The following DLGAP1 variants were observed in gnomAD, a reference collection of about 807,000 sequenced individuals.
DLGAP1 encodes DLG associated protein 1.
Under a neutral mutation model 90.8 loss-of-function variants are expected in DLGAP1, and 11 were observed. The ratio of observed to expected loss-of-function variants is 0.12; its 90% CI spans 0.08 to 0.20. DLGAP1 has a LOEUF of 0.20. Ranked by LOEUF, DLGAP1 falls within the 10% of genes least tolerant of loss-of-function variation. The probability of loss-of-function intolerance (pLI) is 1.00; values close to 1 mark genes in which losing one functional copy is unlikely to be tolerated. For synonymous variants in DLGAP1, 558 were observed against 540.7 expected (o/e 1.03, Z -0.44); for missense variants, 1,050 against 1,333.8 (o/e 0.79, Z 3.31).
At chr18:4,402,652 C>CT (rs2082579635) in intron 1 of DLGAP1, among the ~76,000 whole-genome samples, 1 of 151,996 alleles carries the variant, frequency 6.6e-6, no homozygotes, top group Admixed American at 6.6e-5. Flanking sequence ...TAGAGTATTG[C>CT]TTTTTTAATT....
chr18:4,136,905 GT>G (rs35775897), intron 2 of DLGAP1, among the ~76,000 whole-genome samples: 2 of 151,914 alleles, frequency 1.3e-5, no homozygotes, highest in Admixed American at 6.6e-5. Flanking sequence ...TTTTGATGTG[GT>G]TTTTTTATTA....
chr18:4,333,579 C>T (rs939563655), intron 1 of DLGAP1, among the ~76,000 whole-genome samples: 2 of 149,964 alleles, frequency 1.3e-5, no homozygotes, highest in African/African-American at 4.9e-5. Context: ...GGTATCAGTG[C>T]CATGCATGTA....
chr18:4,155,747 A>C (rs1351708003), intron 1 of DLGAP1, among the ~76,000 whole-genome samples: 1 of 152,166 alleles, frequency 6.6e-6, no homozygotes, highest in Non-Finnish European at 1.5e-5. Flanking sequence ...AAGTGGAAGA[A>C]GGAGTGGATC....
At chr18:3,825,173 C>A (rs1568197020) in intron 4 of DLGAP1, among the ~76,000 whole-genome samples, 2 of 152,184 alleles carry the variant, frequency 1.3e-5, no homozygotes, top group Admixed American at 1.3e-4. Flanking sequence ...AGGAAATGTT[C>A]CAACTGGAGT....
At chr18:3,840,208 C>T (rs1481634928) in intron 4 of DLGAP1, among the ~76,000 whole-genome samples, 1 of 152,152 alleles carries the variant, frequency 6.6e-6, no homozygotes, top group Non-Finnish European at 1.5e-5. Flanking sequence ...CAAAATATCA[C>T]CACTATATTC....
At chr18:3,557,249 C>A (rs564207542) in intron 9 of DLGAP1, among the ~76,000 whole-genome samples, 1 of 152,090 alleles carries the variant, frequency 6.6e-6, no homozygotes, top group South Asian at 2.1e-4. Context: ...CTGCCGGGTG[C>A]GGTGGCTCAC....
At chr18:4,325,507 C>T (rs1213676376) in intron 1 of DLGAP1, among the ~76,000 whole-genome samples, 1 of 151,952 alleles carries the variant, frequency 6.6e-6, no homozygotes, top group Non-Finnish European at 1.5e-5. Flanking sequence ...TAAAAAAAAA[C>T]TATTTAAAAA....
chr18:3,846,372 T>C (rs760691302), intron 4 of DLGAP1, among the ~76,000 whole-genome samples: 2 of 152,144 alleles, frequency 1.3e-5, no homozygotes, highest in African/African-American at 2.4e-5. Context: ...ATAAGGAAAA[T>C]TATAATTAAA....
chr18:3,884,224 A>G (rs557508976), intron 3 of DLGAP1, among the ~76,000 whole-genome samples: 24 of 152,350 alleles, frequency 1.6e-4, no homozygotes, highest in Non-Finnish European at 2.9e-4. Flanking sequence ...GCAAAAATCC[A>G]TTGCATAAGA....
At chr18:3,550,734 CTTTTTT>C (rs1165404588) in intron 9 of DLGAP1, among the ~76,000 whole-genome samples, 1,404 of 85,268 alleles carry the variant, frequency 0.016, 22 homozygotes, top group African/African-American at 0.053. Context: ...GAACCAGACC[CTTTTTT>C]TTTTTTTTTT....
chr18:4,258,998 T>G (rs2078951825), intron 1 of DLGAP1, among the ~76,000 whole-genome samples: 1 of 152,248 alleles, frequency 6.6e-6, no homozygotes, highest in Non-Finnish European at 1.5e-5. Context: ...GCAATGCTTT[T>G]ACATTATTTT....
chr18:4,290,032 G>A (rs2079807496), intron 1 of DLGAP1, among the ~76,000 whole-genome samples: 1 of 152,074 alleles, frequency 6.6e-6, no homozygotes, highest in Non-Finnish European at 1.5e-5. Context: ...GGAAATAATG[G>A]CAGAAGTTAT....
chr18:4,228,069 G>A (rs556949302), intron 1 of DLGAP1, among the ~76,000 whole-genome samples: 1 of 151,374 alleles, frequency 6.6e-6, no homozygotes, highest in South Asian at 2.1e-4. Context: ...GCTACTATGA[G>A]TAACTGTCAG....
At chr18:4,217,069 C>T (rs1424945606) in intron 1 of DLGAP1, among the ~76,000 whole-genome samples, 2 of 151,978 alleles carry the variant, frequency 1.3e-5, no homozygotes, top group African/African-American at 4.8e-5. Context: ...TCCTGGGAAC[C>T]ACTGATCTTT....
chr18:3,549,763 C>T (rs1415931989), intron 9 of DLGAP1, among the ~76,000 whole-genome samples: 4 of 152,082 alleles, frequency 2.6e-5, no homozygotes, highest in African/African-American at 9.7e-5. Flanking sequence ...TTGTTATGAC[C>T]AGGAAATATC....
intron 3 of DLGAP1, among the ~76,000 whole-genome samples, chr18:3,956,474 C>A (rs945450374): frequency 6.6e-6 from 1 of 151,894 alleles, no homozygotes; most frequent in Non-Finnish European, 1.5e-5. Context: ...TCAGCCTCCC[C>A]AGTAGCTGGG....
chr18:3,722,801 C>T (rs752090893), intron 7 of DLGAP1, among the ~76,000 whole-genome samples: 11 of 152,040 alleles, frequency 7.2e-5, no homozygotes, highest in African/African-American at 9.7e-5. Flanking sequence ...GAGCTTTCCC[C>T]GAACTCTAAG....
intron 1 of DLGAP1, among the ~76,000 whole-genome samples, chr18:4,347,039 T>C (rs1750681028): frequency 6.6e-6 from 1 of 151,792 alleles, no homozygotes; most frequent in South Asian, 2.1e-4. Flanking sequence ...GAAAAAAAGA[T>C]AAAATGAAAT....
intron 1 of DLGAP1, among the ~76,000 whole-genome samples, chr18:4,300,690 C>T (rs1205532204): frequency 1.1e-4 from 17 of 152,076 alleles, no homozygotes; most frequent in Admixed American, 2.0e-4. Flanking sequence ...GTCTTTTTCA[C>T]GATTTTATGT....
Sources: gnomAD v4.1 joint callset for allele counts (sites outside exome capture counted in the v4.1 genomes callset) on GRCh38, gnomAD v4.1.1 for gene constraint, MANE v1.5 for transcripts, NCBI Gene and HGNC (gene_info 2026-07-23, HGNC 2026-07-21) for gene names.